Variants in ETHE1 observed in about 807,000 individuals in gnomAD.
ETHE1 encodes the protein persulfide dioxygenase ETHE1, mitochondrial.
In ETHE1, 16 loss-of-function variants were observed where a neutral mutation model predicts 25.7. The observed-to-expected ratio is 0.62, with a 90% confidence interval of 0.42 to 0.95. The LOEUF is 0.95. Among genes scored for constraint, ETHE1 ranks in the 40% least tolerant of loss-of-function variants. The pLI, the probability that ETHE1 is intolerant of heterozygous loss-of-function variation, is 0.00. For synonymous variants in ETHE1, 139 were observed against 135.9 expected (o/e 1.02, Z -0.16); for missense variants, 300 against 333.6 (o/e 0.90, Z 0.79).
intron 1 of ETHE1, 94 bp downstream of exon 1, chr19:43,527,003 C>A (rs187613661): frequency 5.2e-6 from 8 of 1,535,016 alleles, no homozygotes; most frequent in Non-Finnish European, 5.2e-6. Flanking sequence ...AGGCGTGGGT[C>A]CCCCCGGATC....
At chr19:43,511,390 A>G (rs750726875) in intron 4 of ETHE1, 47 bp downstream of exon 4, 15 of 1,613,616 alleles carry the variant, frequency 9.3e-6, no homozygotes, top group African/African-American at 2.7e-5. Flanking sequence ...CACTTGACAC[A>G]CACGTAACTA....
chr19:43,523,488 G>A (rs1972176916), intron 3 of ETHE1, among the ~76,000 whole-genome samples: 1 of 151,674 alleles, frequency 6.6e-6, no homozygotes, highest in Non-Finnish European at 1.5e-5. Flanking sequence ...TGTTGGCCAG[G>A]CTGATCTCGA....
chr19:43,520,337 G>A (rs1249353542), intron 3 of ETHE1, among the ~76,000 whole-genome samples: 1 of 152,104 alleles, frequency 6.6e-6, no homozygotes, highest in Non-Finnish European at 1.5e-5. Flanking sequence ...ACGCCAGCCT[G>A]GGCAACAGAG....
At chr19:43,526,490 C>A (rs1299735932) in intron 2 of ETHE1, 25 bp downstream of exon 2, 1 of 1,610,406 alleles carries the variant, frequency 6.2e-7, no homozygotes, top group Non-Finnish European at 8.5e-7. Flanking sequence ...CCGCTGGGAT[C>A]CATGAGTTTG....
In ETHE1 at chr19:43,507,974, T is replaced by G. The variant is rs756520191; in HGVS notation, c.682A>C (p.Asn228His). Residue 228 changes from asparagine (N) to histidine (H), a missense_variant, in exon 6 of 7, where the codon AAC becomes CAC. Asn to His is a moderately conservative substitution (Grantham distance 68). Coordinates refer to ENST00000292147, the MANE Select transcript of ETHE1 (RefSeq NM_014297.5). ...TGCTGAGGTTTAGGCAAGTTCAGGT[T>G]GCCCATGATTTTGACAAACTCCTCA... ...SCEEFVKIMG[N>H]LNLPKPQQID... The G allele has an allele frequency of 6.2e-7, 1 of 1,614,154 alleles. No homozygotes were observed. The highest frequency in any genetic ancestry group is 8.5e-7 in the Non-Finnish European group (1 of 1,180,030).
At chr19:43,516,291 T>C (rs1972017023) in intron 3 of ETHE1, among the ~76,000 whole-genome samples, 1 of 152,100 alleles carries the variant, frequency 6.6e-6, no homozygotes, top group Non-Finnish European at 1.5e-5. Context: ...TGACTTAAGA[T>C]GGTCTGACTT....
Position 43,506,776 on chromosome 19 carries a change from G to T in ETHE1, c.*74C>A. ...CAGGGAATGCGGTGGGAAAGGAGAG[G>T]TGCAGTGTCATTGCCGCCCTCTCCT... is the stretch of plus-strand genomic sequence containing the variant. On this transcript the variant is annotated 3_prime_UTR_variant, in exon 7 of 7. Transcript: ENST00000292147. 1 of 1,346,458 alleles carries T rather than the reference G, an allele frequency of 7.4e-7. No individual in the cohort carries two copies. The highest frequency in any genetic ancestry group is 1.1e-6 in the Non-Finnish European group (1 of 938,568). The allele number at this position is 1,346,458 out of a possible 1,614,324, so 83.4% of individuals were successfully genotyped here. A position where few individuals can be genotyped will look rare whatever the true frequency, so the allele number is the denominator to read the frequency against.
Position 43,527,198 on chromosome 19 carries a change from G to A in ETHE1, c.-21C>T, listed in dbSNP as rs932048992. 6.5e-7 allele frequency: 1 copy of A among 1,534,260 alleles called. No individual in the cohort carries two copies. Among genetic ancestry groups the A allele is most frequent in the South Asian group, 1.2e-5 (1 of 83,922 alleles). ...GCCATCGCGCCCACTGCGGGGTCAG[G>A]AATGAGCGGAGGCCGAGCGCCTGCA... is the stretch of plus-strand genomic sequence containing the variant. On this transcript the variant is annotated 5_prime_UTR_variant, in exon 1 of 7. Transcript: ENST00000292147.
intron 4 of ETHE1, among the ~76,000 whole-genome samples, chr19:43,509,657 G>A (rs1030266539): frequency 6.2e-4 from 94 of 151,120 alleles, no homozygotes; most frequent in African/African-American, 2.0e-3. Flanking sequence ...TTAGCCTGGC[G>A]TGATGGCGGG....
chr19:43,512,487 C>T (rs533752733), intron 3 of ETHE1, among the ~76,000 whole-genome samples: 152 of 152,272 alleles, frequency 1.0e-3, no homozygotes, highest in African/African-American at 3.3e-3. Context: ...CATTTTGCCC[C>T]TGCCCTAGAG....
intron 3 of ETHE1, among the ~76,000 whole-genome samples, chr19:43,519,294 G>A (rs1972093664): frequency 6.6e-6 from 1 of 152,094 alleles, no homozygotes; most frequent in South Asian, 2.1e-4. Flanking sequence ...TTACAGGCGT[G>A]AGCCACCGCG....
intron 3 of ETHE1, among the ~76,000 whole-genome samples, chr19:43,521,541 G>A (rs776975111): frequency 5.9e-5 from 9 of 151,934 alleles, no homozygotes; most frequent in South Asian, 2.1e-4. Context: ...AGCCTCAAGA[G>A]GAAGGTGCTG....
chr19:43,508,670 G>A (rs60516703), intron 5 of ETHE1, 105 bp downstream of exon 5: 1 of 1,016,360 alleles, frequency 9.8e-7, no homozygotes, highest in Non-Finnish European at 1.5e-6. Context: ...TTTGGCCAGA[G>A]AAATTTCTGA....
At chr19:43,521,796 G>A (rs1042879145) in intron 3 of ETHE1, among the ~76,000 whole-genome samples, 3 of 152,090 alleles carry the variant, frequency 2.0e-5, no homozygotes, top group Non-Finnish European at 4.4e-5. Flanking sequence ...TTAAACATTT[G>A]TCGACTCAGT....
chr19:43,517,775 C>CAA (rs71336873), intron 3 of ETHE1, among the ~76,000 whole-genome samples: 8 of 110,062 alleles, frequency 7.3e-5, no homozygotes, highest in Non-Finnish European at 7.7e-5. Context: ...GACTCCGCCT[C>CAA]AAAAAAAAAA....
intron 6 of ETHE1, 41 bp from the exon 7 acceptor site, chr19:43,506,943 T>C (rs531383666): frequency 1.9e-6 from 3 of 1,606,518 alleles, no homozygotes; most frequent in East Asian, 2.2e-5. Flanking sequence ...GGGGCCTAGG[T>C]AGAGTTCCAG....
Position 43,526,191 on chromosome 19 carries a change from C to G in ETHE1, c.375+10G>C. On this transcript the variant is annotated intron_variant, in intron 3 of 6. Transcript: ENST00000292147. ...CCACCACCCTCTTGGGGACCCAGCA[C>G]CCAACTCACGAAGCGCCCGAAGCGG... 1 of 1,614,110 alleles carries G rather than the reference C, an allele frequency of 6.2e-7. No individual in the cohort carries two copies. The highest frequency in any genetic ancestry group is 8.5e-7 in the Non-Finnish European group (1 of 1,180,010).
chr19:43,508,266 C>T (rs1235225108), intron 5 of ETHE1, among the ~76,000 whole-genome samples: 2 of 152,090 alleles, frequency 1.3e-5, no homozygotes, highest in Non-Finnish European at 2.9e-5. Context: ...CCCAGGAAAA[C>T]CCATGCCCTG....
intron 3 of ETHE1, among the ~76,000 whole-genome samples, chr19:43,520,153 A>C (rs1972112253): frequency 6.6e-6 from 1 of 151,920 alleles, no homozygotes; most frequent in Non-Finnish European, 1.5e-5. Flanking sequence ...GTTCGAGACC[A>C]GCCTGGCCAA....
Sources: gnomAD v4.1 joint callset for allele counts (sites outside exome capture counted in the v4.1 genomes callset) on GRCh38, gnomAD v4.1.1 for gene constraint, MANE v1.5 for transcripts, NCBI Gene and HGNC (gene_info 2026-07-23, HGNC 2026-07-21) for gene names.